C12orf42: variants seen among roughly 807,000 people sequenced by gnomAD.
The protein encoded by C12orf42 is uncharacterized protein C12orf42.
In C12orf42, 25 loss-of-function variants were observed where a neutral mutation model predicts 21.6. That is an observed-to-expected ratio of 1.16 (90% CI 0.84 to 1.62). The LOEUF is 1.62. Among genes scored for constraint, C12orf42 ranks in the 40% most tolerant of loss-of-function variants. The pLI is 0.00. For missense variants in C12orf42, 483 were observed against 459.3 expected (o/e 1.05, Z -0.47); for synonymous variants, 174 against 175.0 (o/e 0.99, Z 0.05).
chr12:103,515,946 G>A, the C12orf42 span, among the ~76,000 whole-genome samples: 1 of 152,198 alleles, frequency 6.6e-6, no homozygotes, highest in African/African-American at 2.4e-5. Context: ...AATGTCATGT[G>A]TAAGAAAGAT....
At chr12:103,504,369 C>A in the C12orf42 span, 5 of 163,740 alleles carry the variant, frequency 3.1e-5, no homozygotes. Flanking sequence ...GTCTCTTGGC[C>A]TCCAAGATTG....
chr12:103,239,585 C>T (rs2033631836), intron 10 of C12orf42, among the ~76,000 whole-genome samples: 3 of 152,162 alleles, frequency 2.0e-5, no homozygotes, highest in Non-Finnish European at 2.9e-5. Context: ...AACAGAATCT[C>T]ATGGGCCCTG....
intron 2 of C12orf42, among the ~76,000 whole-genome samples, chr12:103,438,285 C>T (rs1402650640): frequency 2.6e-5 from 4 of 151,648 alleles, no homozygotes; most frequent in Non-Finnish European, 5.9e-5. Context: ...TTATGACAAA[C>T]CCACAGCCAA....
the C12orf42 span, among the ~76,000 whole-genome samples, chr12:103,532,246 A>T: frequency 6.6e-6 from 1 of 152,246 alleles, no homozygotes. Context: ...ACCCATCTGC[A>T]TGATGGATAC....
chr12:103,144,330 G>A, the C12orf42 span, among the ~76,000 whole-genome samples: 1 of 152,168 alleles, frequency 6.6e-6, no homozygotes, highest in African/African-American at 2.4e-5. Flanking sequence ...AGGTAAAAGA[G>A]TGCATTTGTA....
chr12:103,294,596 G>GAAAGAAAGAAAGAAAT (rs2037102608), intron 4 of C12orf42, among the ~76,000 whole-genome samples: 1 of 107,432 alleles, frequency 9.3e-6, no homozygotes, highest in Non-Finnish European at 1.9e-5. Context: ...AAGAAAGAAA[G>GAAAGAAAGAAAGAAAT]AAAGAAAGAA....
intron 4 of C12orf42, among the ~76,000 whole-genome samples, chr12:103,331,830 T>C (rs1328422286): frequency 6.6e-6 from 1 of 152,168 alleles, no homozygotes; most frequent in Non-Finnish European, 1.5e-5. Context: ...AGGGTATCTA[T>C]AGTCATTGCC....
At chr12:103,278,569 C>T (rs1311620805) in intron 4 of C12orf42, among the ~76,000 whole-genome samples, 2 of 152,232 alleles carry the variant, frequency 1.3e-5, no homozygotes, top group African/African-American at 2.4e-5. Flanking sequence ...TGGCTGGGCA[C>T]GTGGCACCTG....
chr12:103,191,570 A>AAAAAC, the C12orf42 span, among the ~76,000 whole-genome samples: 20 of 129,122 alleles, frequency 1.5e-4, no homozygotes, highest in African/African-American at 5.3e-4. Context: ...AAAAAAAAAA[A>AAAAAC]AAAATACAAA....
At chr12:103,081,946 C>A in the C12orf42 span, among the ~76,000 whole-genome samples, 1 of 152,162 alleles carries the variant, frequency 6.6e-6, no homozygotes, top group Admixed American at 6.5e-5. Flanking sequence ...TATTACTAAA[C>A]ACAAATGTAT....
intron 4 of C12orf42, among the ~76,000 whole-genome samples, chr12:103,280,512 G>A (rs978798962): frequency 2.7e-4 from 41 of 152,012 alleles, no homozygotes; most frequent in African/African-American, 8.7e-4. Flanking sequence ...TCAGCTACTC[G>A]GGAGGTTGAG....
the C12orf42 span, among the ~76,000 whole-genome samples, chr12:103,221,780 T>C: frequency 6.6e-6 from 1 of 152,180 alleles, no homozygotes; most frequent in African/African-American, 2.4e-5. Context: ...GAGAGTTCTT[T>C]TCCATTGTTC....
chr12:103,340,573 C>T (rs918556510), intron 4 of C12orf42, among the ~76,000 whole-genome samples: 10 of 152,176 alleles, frequency 6.6e-5, no homozygotes, highest in Admixed American at 6.5e-4. Context: ...CAAAAATATC[C>T]AGCACCCAAA....
intron 2 of C12orf42, among the ~76,000 whole-genome samples, chr12:103,445,285 T>C (rs1167882815): frequency 6.6e-6 from 1 of 152,064 alleles, no homozygotes; most frequent in African/African-American, 2.4e-5. Flanking sequence ...AAATCCCACG[T>C]TTTGTCTGTG....
At chr12:103,473,346 A>G (rs1422513380) in intron 2 of C12orf42, among the ~76,000 whole-genome samples, 1 of 152,234 alleles carries the variant, frequency 6.6e-6, no homozygotes, top group African/African-American at 2.4e-5. Context: ...ATCCTATGAT[A>G]ATACTGTGAC....
intron 4 of C12orf42, among the ~76,000 whole-genome samples, chr12:103,329,564 A>T (rs1042925403): frequency 2.0e-5 from 3 of 152,140 alleles, no homozygotes; most frequent in African/African-American, 7.2e-5. Context: ...TAAAATTAAA[A>T]AAAGAATTAA....
intron 2 of C12orf42, among the ~76,000 whole-genome samples, chr12:103,437,313 A>G (rs978607481): frequency 6.6e-6 from 1 of 152,232 alleles, no homozygotes. Context: ...GAAAGATCCA[A>G]AATTGACACC....
At chr12:103,410,196 C>T (rs1402986673) in intron 2 of C12orf42, among the ~76,000 whole-genome samples, 2 of 152,194 alleles carry the variant, frequency 1.3e-5, no homozygotes, top group African/African-American at 4.8e-5. Flanking sequence ...TCAACTGTTT[C>T]TTGCAGCCAC....
the C12orf42 span, among the ~76,000 whole-genome samples, chr12:103,103,572 T>A: frequency 5.7e-4 from 87 of 152,214 alleles, no homozygotes; most frequent in Non-Finnish European, 1.0e-3. Flanking sequence ...TTTTATTTAA[T>A]CATAGCCCCT....
Sources: gnomAD v4.1 joint callset for allele counts (sites outside exome capture counted in the v4.1 genomes callset) on GRCh38, gnomAD v4.1.1 for gene constraint, MANE v1.5 for transcripts, NCBI Gene and HGNC (gene_info 2026-07-23, HGNC 2026-07-21) for gene names.